The following FAAH2 variants were observed in gnomAD, a reference collection of about 807,000 sequenced individuals.
FAAH2 encodes fatty-acid amide hydrolase 2.
A neutral mutation model predicts 36.9 loss-of-function variants in FAAH2; 60 were observed. That is an observed-to-expected ratio of 1.63 (90% confidence interval 1.32 to 2.02). The LOEUF is 2.02. Ranked by LOEUF, FAAH2 falls within the 30% of genes most tolerant of loss-of-function variation. The pLI is 0.00. For synonymous variants in FAAH2, 214 were observed against 143.8 expected, an observed-to-expected ratio of 1.49 and a Z score of -3.49; for missense variants, 689 against 397.5, an observed-to-expected ratio of 1.73 and a Z score of -6.23.
chrX:57,333,405 T>G (rs2147012805), intron 4 of FAAH2, among the ~76,000 whole-genome samples: 1 of 111,377 alleles, frequency 9.0e-6, no homozygotes, highest in South Asian at 3.8e-4. Flanking sequence ...AAATCACAGT[T>G]TGAAAAGAGA....
rs1050752111 is a variant in FAAH2, at chrX:57,321,379, C to T, written c.413-10219C>T. The stretch of plus-strand genomic sequence containing the variant: ...TAGGAGAAATACCTAAAGTAGATGA[C>T]GTGTTGATGGGTGCAGCAAACCACT... On this transcript the variant is annotated intron_variant, in intron 3 of 10. Coordinates refer to ENST00000374900, the MANE Select transcript of FAAH2 (RefSeq NM_174912.4). 4.6e-5 allele frequency among the ~76,000 whole-genome samples: 5 copies of T among 109,047 alleles called. No homozygotes were observed. The South Asian group carries it at 1.2e-3, about 26-fold the overall frequency. 94.7% of individuals were successfully genotyped at this position (109,047 alleles called of 115,157 possible). A position where few individuals can be genotyped will look rare whatever the true frequency, so the allele number is the denominator to read the frequency against.
the FAAH2 span, among the ~76,000 whole-genome samples, chrX:57,176,153 T>C: frequency 8.9e-6 from 1 of 112,144 alleles, no homozygotes; most frequent in Non-Finnish European, 1.9e-5. Context: ...CCTCAATTAT[T>C]CCCTCAAATA....
At chrX:57,342,370 A>G (rs1199803520) in intron 5 of FAAH2, among the ~76,000 whole-genome samples, 1 of 111,471 alleles carries the variant, frequency 9.0e-6, no homozygotes, top group Non-Finnish European at 1.9e-5. Flanking sequence ...GACCTTTCAG[A>G]GGGCAGAGGG....
the FAAH2 span, among the ~76,000 whole-genome samples, chrX:57,217,915 ATGGCATGTGT>A: frequency 3.6e-5 from 4 of 111,883 alleles, no homozygotes; most frequent in African/African-American, 9.8e-5. Flanking sequence ...ATTTATGAGC[ATGGCATGTGT>A]TTCCATTTGT....
the FAAH2 span, among the ~76,000 whole-genome samples, chrX:57,171,695 C>G: frequency 9.0e-6 from 1 of 111,658 alleles, no homozygotes; most frequent in East Asian, 2.8e-4. Context: ...CAAATAATTT[C>G]TCCTGTTTTT....
chrX:57,156,676 G>T, the FAAH2 span, among the ~76,000 whole-genome samples: 3 of 112,014 alleles, frequency 2.7e-5, no homozygotes, highest in African/African-American at 6.5e-5. Context: ...ACTTGGAAAA[G>T]ATAAGAGAGA....
At chrX:57,422,907 G>A (rs1478627262) in intron 7 of FAAH2, among the ~76,000 whole-genome samples, 2 of 112,646 alleles carry the variant, frequency 1.8e-5, no homozygotes, top group African/African-American at 3.2e-5. Flanking sequence ...ATAAACTTCA[G>A]AAACTTTAAA....
chrX:57,170,186 G>A, the FAAH2 span, among the ~76,000 whole-genome samples: 126 of 111,945 alleles, frequency 1.1e-3, no homozygotes, highest in African/African-American at 4.0e-3. Flanking sequence ...GCCTAGGCTG[G>A]CAAATACTTT....
At chrX:57,306,892 A>G (rs1168541904) in intron 2 of FAAH2, among the ~76,000 whole-genome samples, 3 of 86,468 alleles carry the variant, frequency 3.5e-5, no homozygotes, top group African/African-American at 1.2e-4. Context: ...TATATACACC[A>G]TATATACATA....
chrX:57,196,444 G>C, the FAAH2 span, among the ~76,000 whole-genome samples: 1 of 111,633 alleles, frequency 9.0e-6, no homozygotes, highest in African/African-American at 3.3e-5. Flanking sequence ...TCATTTATCA[G>C]TTTTAGGATC....
chrX:57,471,758 A>G (rs774099870), intron 10 of FAAH2, among the ~76,000 whole-genome samples: 4 of 111,519 alleles, frequency 3.6e-5, no homozygotes, highest in Non-Finnish European at 7.5e-5. Context: ...AGTTCATATG[A>G]AACCAAAAAA....
intron 10 of FAAH2, among the ~76,000 whole-genome samples, chrX:57,488,376 T>C (rs1232290910): frequency 8.9e-6 from 1 of 111,820 alleles, no homozygotes; most frequent in Non-Finnish European, 1.9e-5. Flanking sequence ...TATAATTTAC[T>C]CTGATTTTTC....
the FAAH2 span, among the ~76,000 whole-genome samples, chrX:57,177,472 A>G: frequency 2.9e-5 from 3 of 102,732 alleles, no homozygotes; most frequent in Non-Finnish European, 5.9e-5. Flanking sequence ...ATAATAATAT[A>G]TATATAATAA....
chrX:57,270,666 G>C, the FAAH2 span, among the ~76,000 whole-genome samples: 266 of 111,797 alleles, frequency 2.4e-3, 2 homozygotes, highest in Non-Finnish European at 3.9e-3. Flanking sequence ...TGCACAGTGG[G>C]TGCAGCCCAC....
At chrX:57,131,391 A>G in the FAAH2 span, among the ~76,000 whole-genome samples, 2 of 111,542 alleles carry the variant, frequency 1.8e-5, no homozygotes, top group South Asian at 3.8e-4. Context: ...GGCCGGGTCT[A>G]TTTCTTTTGG....
At chrX:57,488,224 A>G (rs866168606) in intron 10 of FAAH2, among the ~76,000 whole-genome samples, 1 of 111,840 alleles carries the variant, frequency 8.9e-6, no homozygotes, top group Non-Finnish European at 1.9e-5. Flanking sequence ...TTTTATATAA[A>G]TTATGCTGCA....
chrX:57,372,329 A>G (rs1453384850), intron 5 of FAAH2, among the ~76,000 whole-genome samples: 1 of 110,304 alleles, frequency 9.1e-6, no homozygotes, highest in Non-Finnish European at 1.9e-5. Context: ...TAACTTTTTA[A>G]TAATAGCCAT....
At chrX:57,278,914 C>T in the FAAH2 span, among the ~76,000 whole-genome samples, 6 of 112,067 alleles carry the variant, frequency 5.4e-5, no homozygotes. Context: ...GATACCATCT[C>T]ACGCCAGATA....
the FAAH2 span, among the ~76,000 whole-genome samples, chrX:57,182,096 C>T: frequency 8.9e-6 from 1 of 111,965 alleles, no homozygotes; most frequent in Non-Finnish European, 1.9e-5. Flanking sequence ...TTATTAAAGA[C>T]TGAAGTGTAA....
Sources: gnomAD v4.1 joint callset for allele counts (sites outside exome capture counted in the v4.1 genomes callset) on GRCh38, gnomAD v4.1.1 for gene constraint, MANE v1.5 for transcripts, NCBI Gene and HGNC (gene_info 2026-07-23, HGNC 2026-07-21) for gene names.